Variants in DACH1 observed in about 807,000 individuals in gnomAD.
The protein encoded by DACH1 is dachshund homolog 1.
DACH1 carries 12 observed loss-of-function variants against 54.2 expected under a neutral mutation model. That is an observed-to-expected ratio of 0.22 (90% CI 0.14 to 0.36). The LOEUF (loss-of-function observed/expected upper bound fraction) is 0.36. DACH1 is among the 10% of genes least tolerant of loss of function. DACH1 has a pLI of 1.00. For missense variants in DACH1, 805 were observed against 929.8 expected (o/e 0.87, Z 1.75); for synonymous variants, 386 against 366.2 (o/e 1.05, Z -0.62).
chr13:71,848,596 G>T (rs1437383568), intron 1 of DACH1, among the ~76,000 whole-genome samples: 2 of 151,536 alleles, frequency 1.3e-5, no homozygotes, highest in Non-Finnish European at 2.9e-5. Flanking sequence ...AGACTGTAGT[G>T]CAGTGGCATT....
intron 1 of DACH1, among the ~76,000 whole-genome samples, chr13:71,837,194 G>C (rs1296710667): frequency 6.6e-6 from 1 of 151,814 alleles, no homozygotes; most frequent in Non-Finnish European, 1.5e-5. Context: ...TTCCTCATTT[G>C]GAATTTATTT....
At chr13:71,461,447 C>CTAT (rs915405826) in intron 10 of DACH1, among the ~76,000 whole-genome samples, 61 of 152,058 alleles carry the variant, frequency 4.0e-4, no homozygotes, top group African/African-American at 1.4e-3. Flanking sequence ...ATCTCTCTTA[C>CTAT]TATTATCAGA....
At position 71,559,914 on chromosome 13, in the gene DACH1, C is replaced by T; in HGVS notation, c.1341G>A (p.Glu447=). 1.2e-6 allele frequency: 2 copies of T among 1,606,872 alleles called. No individual in the cohort carries two copies. The highest frequency in any genetic ancestry group is 1.7e-6 in the Non-Finnish European group (2 of 1,176,600). The change falls in exon 5 of 11, where the codon GAG becomes GAA. Residue 447 remains glutamate (E), a synonymous_variant. Transcript: ENST00000613252. The part of the protein sequence containing the change: ...PDSPSPAPSL[E]EGRRPGSHPS... ...GGTGACTGCCAGGCCTTCTCCCCTCCTCCAGAGAGGGGGCAGGTGAGGGGC... is the reference window on the plus strand; with the variant it reads ...GGTGACTGCCAGGCCTTCTCCCCTCTTCCAGAGAGGGGGCAGGTGAGGGGC...
At chr13:71,530,513 G>A (rs1340584885) in intron 6 of DACH1, among the ~76,000 whole-genome samples, 1 of 152,020 alleles carries the variant, frequency 6.6e-6, no homozygotes, top group East Asian at 1.9e-4. Flanking sequence ...TTTTAGAAAA[G>A]GAAAAAGGGT....
At chr13:71,483,304 T>C (rs903932806) in intron 7 of DACH1, among the ~76,000 whole-genome samples, 2 of 149,238 alleles carry the variant, frequency 1.3e-5, no homozygotes, top group African/African-American at 4.9e-5. Flanking sequence ...GAATTCAACG[T>C]CTATTTTGTT....
At chr13:71,483,673 A>AAGAT (rs1347011605) in intron 7 of DACH1, among the ~76,000 whole-genome samples, 10 of 151,756 alleles carry the variant, frequency 6.6e-5, no homozygotes, top group Non-Finnish European at 1.5e-5. Flanking sequence ...TAAAGAACTG[A>AAGAT]AGATAGATAA....
At chr13:71,454,161 G>T (rs913332293) in intron 10 of DACH1, among the ~76,000 whole-genome samples, 2 of 152,120 alleles carry the variant, frequency 1.3e-5, no homozygotes, top group Non-Finnish European at 1.5e-5. Flanking sequence ...AGTTAATCAA[G>T]CAAATTTACC....
chr13:71,657,037 T>C (rs1247261940), intron 2 of DACH1, among the ~76,000 whole-genome samples: 1 of 147,838 alleles, frequency 6.8e-6, no homozygotes, highest in Non-Finnish European at 1.5e-5. Context: ...TATATATACA[T>C]AAACATGTGT....
At chr13:71,550,986 T>A (rs576912339) in intron 6 of DACH1, among the ~76,000 whole-genome samples, 4 of 152,212 alleles carry the variant, frequency 2.6e-5, no homozygotes, top group Admixed American at 2.0e-4. Context: ...ATAATATGTG[T>A]TAACATTATC....
chr13:71,503,084 G>A (rs1275440357), intron 6 of DACH1, among the ~76,000 whole-genome samples: 1 of 152,166 alleles, frequency 6.6e-6, no homozygotes. Context: ...AGCACCGTAT[G>A]TAAATGACAA....
At chr13:71,845,640 C>T (rs1440607407) in intron 1 of DACH1, among the ~76,000 whole-genome samples, 1 of 152,110 alleles carries the variant, frequency 6.6e-6, no homozygotes, top group African/African-American at 2.4e-5. Context: ...ATCAAAATAG[C>T]TTACTCTGAC....
intron 6 of DACH1, among the ~76,000 whole-genome samples, chr13:71,522,800 C>T (rs1881698018): frequency 6.6e-6 from 1 of 152,054 alleles, no homozygotes; most frequent in African/African-American, 2.4e-5. Context: ...GGACTTCCTT[C>T]TTCTAAAACT....
At chr13:71,632,501 A>G (rs928110174) in intron 2 of DACH1, among the ~76,000 whole-genome samples, 11 of 132,056 alleles carry the variant, frequency 8.3e-5, no homozygotes, top group Admixed American at 4.0e-4. Context: ...TGTGTGATTT[A>G]TTTCCAATCC....
At chr13:71,638,702 AAT>A (rs1877682507) in intron 2 of DACH1, among the ~76,000 whole-genome samples, 1 of 152,154 alleles carries the variant, frequency 6.6e-6, no homozygotes. Flanking sequence ...AAGACAGATG[AAT>A]AAAGTGGGTT....
At chr13:71,739,963 T>A (rs1344855666) in intron 1 of DACH1, among the ~76,000 whole-genome samples, 1 of 152,204 alleles carries the variant, frequency 6.6e-6, no homozygotes, top group African/African-American at 2.4e-5. Flanking sequence ...TTCCAGGATT[T>A]CTAAAGTAAA....
At chr13:71,752,639 A>T (rs1211195543) in intron 1 of DACH1, among the ~76,000 whole-genome samples, 2 of 152,138 alleles carry the variant, frequency 1.3e-5, no homozygotes, top group East Asian at 3.9e-4. Flanking sequence ...TATTTCCCCC[A>T]AACAAAATCT....
intron 3 of DACH1, among the ~76,000 whole-genome samples, chr13:71,582,094 T>G (rs1872890567): frequency 6.6e-6 from 1 of 152,130 alleles, no homozygotes; most frequent in Admixed American, 6.5e-5. Flanking sequence ...ATAAAGGTAT[T>G]GCTACCAAAA....
At chr13:71,551,518 T>C (rs1566334183) in intron 6 of DACH1, among the ~76,000 whole-genome samples, 1 of 152,146 alleles carries the variant, frequency 6.6e-6, no homozygotes, top group Non-Finnish European at 1.5e-5. Flanking sequence ...TACGCTTTTG[T>C]AGTTCCCATG....
chr13:71,440,892 C>T lies in DACH1; in HGVS notation c.2084-200G>A, dbSNP rs561501672. Among the ~76,000 whole-genome samples the T allele has an allele frequency of 2.6e-5, 4 of 152,098 alleles. No homozygotes were observed. In the South Asian group the frequency reaches 6.2e-4, roughly 24 times the overall value. Reference sequence around the variant, plus strand: ...GTTTATGTGACTGAAAAGAATACAGCATTTCTACTTCTCATAAATATATAT... The same window carrying T: ...GTTTATGTGACTGAAAAGAATACAGTATTTCTACTTCTCATAAATATATAT... On this transcript the variant is annotated intron_variant, in intron 10 of 10. Transcript: ENST00000613252.
Sources: gnomAD v4.1 joint callset for allele counts (sites outside exome capture counted in the v4.1 genomes callset) on GRCh38, gnomAD v4.1.1 for gene constraint, MANE v1.5 for transcripts, NCBI Gene and HGNC (gene_info 2026-07-23, HGNC 2026-07-21) for gene names.